Variants in SMG6 observed in about 807,000 individuals in gnomAD.
The protein encoded by SMG6 is telomerase-binding protein EST1A.
SMG6 carries 66 observed loss-of-function variants against 142.2 expected under a neutral mutation model. The ratio of observed to expected loss-of-function variants is 0.46; its 90% CI spans 0.38 to 0.57. The LOEUF is 0.57. SMG6 is among the 20% of genes least tolerant of loss of function. The pLI, the probability that SMG6 is intolerant of heterozygous loss-of-function variation, is 0.00. For synonymous variants in SMG6, 779 were observed against 702.4 expected (o/e 1.11, Z -1.72); for missense variants, 1,793 against 1,832.0 (o/e 0.98, Z 0.39).
intron 8 of SMG6, among the ~76,000 whole-genome samples, chr17:2,274,190 C>A (rs9898390): frequency 2.3e-4 from 35 of 152,194 alleles, no homozygotes; most frequent in Admixed American, 5.2e-4. Flanking sequence ...AGAACATATG[C>A]CCTATAAAGT....
At chr17:2,069,601 A>G (rs2068043654) in intron 15 of SMG6, among the ~76,000 whole-genome samples, 1 of 152,206 alleles carries the variant, frequency 6.6e-6, no homozygotes, top group South Asian at 2.1e-4. Context: ...GTCTCAAAAA[A>G]CAAAAACAAC....
intron 3 of SMG6, 61 bp downstream of exon 3, chr17:2,297,802 A>G (rs2075176535): frequency 6.5e-7 from 1 of 1,550,212 alleles, no homozygotes; most frequent in Non-Finnish European, 8.7e-7. Context: ...GGTAGTAAAA[A>G]TCCATCGTAA....
chr17:2,110,111 C>T (rs1203714538), intron 13 of SMG6, among the ~76,000 whole-genome samples: 1 of 135,944 alleles, frequency 7.4e-6, no homozygotes. Context: ...AAAAAGACAA[C>T]ACAGAACTAA....
At chr17:2,087,805 G>A in intron 13 of SMG6, 1 of 985,830 alleles carries the variant, frequency 1.0e-6, no homozygotes, top group African/African-American at 1.7e-5. Flanking sequence ...TGCATCTCCA[G>A]CCTCTCACTT....
intron 13 of SMG6, among the ~76,000 whole-genome samples, chr17:2,164,394 G>A (rs913042623): frequency 1.3e-5 from 2 of 152,134 alleles, no homozygotes; most frequent in African/African-American, 4.8e-5. Context: ...CTGCACTCCA[G>A]CCTGGGCAAT....
chr17:2,087,476 G>C, intron 13 of SMG6: 1 of 1,081,402 alleles, frequency 9.2e-7, no homozygotes, highest in Non-Finnish European at 1.1e-6. Context: ...CATTGGCCCT[G>C]TTACCATTAT....
In SMG6 at chr17:2,161,444, C is replaced by T. The variant is rs181949444; in HGVS notation, c.3357+11214G>A. Among the ~76,000 whole-genome samples the T allele has an allele frequency of 1.4e-3, 218 of 150,862 alleles. 1 individual carries two copies. Among genetic ancestry groups the T allele is most frequent in the Admixed American group, 4.0e-3 (60 of 15,120 alleles). On this transcript the variant is annotated intron_variant, in intron 13 of 18. Transcript: ENST00000263073. ...TTTTTTTTTGAGACAGAGTCTCACA[C>T]ACTGTCACCCGGGCTGGAGTGCAAT...
intron 16 of SMG6, among the ~76,000 whole-genome samples, chr17:2,066,712 CACCCTGAGGCTGCAGTGT>C (rs1412372306): frequency 1.4e-5 from 2 of 144,292 alleles, no homozygotes; most frequent in East Asian, 4.1e-4. Context: ...ATGCTTTCGG[CACCCTGAGGCTGCAGTGT>C]CCACACAGTG....
chr17:2,203,904 G>A (rs1393094271), intron 10 of SMG6, among the ~76,000 whole-genome samples: 1 of 152,142 alleles, frequency 6.6e-6, no homozygotes, highest in African/African-American at 2.4e-5. Context: ...CAGAGGGGCA[G>A]GGAAGTGTTC....
chr17:2,291,860 AAAAAAAAAAAAG>A (rs2075045649), intron 6 of SMG6, among the ~76,000 whole-genome samples: 2 of 151,378 alleles, frequency 1.3e-5, no homozygotes, highest in East Asian at 1.9e-4. Flanking sequence ...CTTAAAAAAA[AAAAAAAAAAAAG>A]AGAGAGACAA....
chr17:2,247,580 G>A (rs551319744), intron 8 of SMG6, among the ~76,000 whole-genome samples: 1 of 152,174 alleles, frequency 6.6e-6, no homozygotes, highest in Admixed American at 6.5e-5. Flanking sequence ...CTGCGGTCAG[G>A]AGTTCAAGAC....
Position 2,188,407 on chromosome 17 carries a change from G to A in SMG6, c.2978C>T (p.Ser993Phe). The change falls in exon 11 of 19, where the codon TCC becomes TTC. Residue 993 changes from serine to phenylalanine, a missense_variant. Ser to Phe is a radical substitution (Grantham distance 155, BLOSUM62 -2). Coordinates refer to ENST00000263073, the MANE Select transcript of SMG6 (RefSeq NM_017575.5). ...GGACTCCTCCTGCTTACCTTTGGCG[G>A]ACTCCTTAAGTAAGCAGGTGCAGCG... is the stretch of plus-strand genomic sequence containing the variant. ...VRRCTCLLKE[S>F]AKAQLSSPED... 1 of 1,613,942 alleles carries A rather than the reference G, an allele frequency of 6.2e-7. No homozygotes were observed. The highest frequency in any genetic ancestry group is 1.1e-5 in the South Asian group (1 of 91,052).
intron 8 of SMG6, among the ~76,000 whole-genome samples, chr17:2,248,362 G>C (rs1290211129): frequency 6.6e-6 from 1 of 152,100 alleles, no homozygotes; most frequent in Non-Finnish European, 1.5e-5. Flanking sequence ...TTCAAGTTTT[G>C]CTTTTAAGTT....
chr17:2,142,396 G>C (rs529374793), intron 13 of SMG6, among the ~76,000 whole-genome samples: 1 of 152,246 alleles, frequency 6.6e-6, no homozygotes, highest in African/African-American at 2.4e-5. Context: ...TGTAATCCCA[G>C]CACTTTGGGA....
chr17:2,108,148 G>T (rs1464995661), intron 13 of SMG6, among the ~76,000 whole-genome samples: 1 of 152,022 alleles, frequency 6.6e-6, no homozygotes, highest in Non-Finnish European at 1.5e-5. Context: ...GGAAATGAAG[G>T]ATTACAGAGA....
chr17:2,115,140 G>T (rs1297305856), intron 13 of SMG6, among the ~76,000 whole-genome samples: 2 of 151,930 alleles, frequency 1.3e-5, no homozygotes, highest in Non-Finnish European at 2.9e-5. Flanking sequence ...AGGAGGATGG[G>T]TTCTAATAAA....
chr17:2,236,416 T>G (rs975255541), intron 10 of SMG6, 76 bp downstream of exon 10: 44 of 1,474,762 alleles, frequency 3.0e-5, no homozygotes, highest in East Asian at 2.3e-5. Flanking sequence ...GTATGGTAGG[T>G]ATGGTAACAC....
chr17:2,303,542 G>C, intron 1 of SMG6, 91 bp downstream of exon 1: 2 of 1,339,678 alleles, frequency 1.5e-6, no homozygotes, highest in South Asian at 1.9e-5. Flanking sequence ...GGGGGCTCCG[G>C]AGCCGAGGGC....
chr17:2,082,177 T>C (rs2068443664), intron 14 of SMG6: 8 of 554,670 alleles, frequency 1.4e-5, no homozygotes, highest in South Asian at 1.4e-4. Context: ...CTCTGGGGCT[T>C]TTCCCTCAGA....
Sources: gnomAD v4.1 joint callset for allele counts (sites outside exome capture counted in the v4.1 genomes callset) on GRCh38, gnomAD v4.1.1 for gene constraint, MANE v1.5 for transcripts, NCBI Gene and HGNC (gene_info 2026-07-23, HGNC 2026-07-21) for gene names.